Variants in DMRT1 observed in about 807,000 individuals in gnomAD.
DMRT1 encodes the protein doublesex- and mab-3-related transcription factor 1.
DMRT1 carries 7 observed loss-of-function variants against 32.3 expected under a neutral mutation model. That is an observed-to-expected ratio of 0.22 (90% confidence interval 0.12 to 0.41). The LOEUF (loss-of-function observed/expected upper bound fraction) is 0.41. Among genes scored for constraint, DMRT1 ranks in the 10% least tolerant of loss-of-function variants. The pLI, the probability that DMRT1 is intolerant of heterozygous loss-of-function variation, is 1.00. For missense variants in DMRT1, 625 were observed against 500.5 expected, an observed-to-expected ratio of 1.25 and a Z score of -2.37; for synonymous variants, 278 against 206.1, an observed-to-expected ratio of 1.35 and a Z score of -2.99.
rs550034172 is a variant in DMRT1, at chr9:859,102, C to G, written c.538+11959C>G. Among the ~76,000 whole-genome samples, 40 of 152,170 alleles carry G rather than the reference C, an allele frequency of 2.6e-4. No homozygotes were observed. The South Asian group carries it at 3.7e-3, about 14-fold the overall frequency. ...CAAGCCCAGCTTTCTTGAAAGTTCC[C>G]TGGCTTCTGAAATCACCTGTAGACT... On this transcript the variant is annotated intron_variant, in intron 2 of 4. Coordinates refer to ENST00000382276, the MANE Select transcript of DMRT1 (RefSeq NM_021951.3).
intron 2 of DMRT1, among the ~76,000 whole-genome samples, chr9:882,332 C>G (rs1483934916): frequency 6.6e-6 from 1 of 152,208 alleles, no homozygotes; most frequent in African/African-American, 2.4e-5. Context: ...TGTGCTCTAC[C>G]TGCTCTGCAG....
At position 894,294 on chromosome 9, in the gene DMRT1, C is replaced by T. The variant is rs1301388659; in HGVS notation, c.822+99C>T. The T allele has an allele frequency of 1.8e-5, 24 of 1,302,106 alleles. No individual in the cohort carries two copies. In the East Asian group the frequency reaches 2.1e-4, roughly 11 times the overall value. 80.7% of individuals were successfully genotyped at this position (1,302,106 alleles called of 1,614,324 possible). Reference sequence around the variant, plus strand: ...ACACAGAGGCACACACGCACTTGTGCGCCCAGAGGCACACACAGGTGACAC... The same window carrying T: ...ACACAGAGGCACACACGCACTTGTGTGCCCAGAGGCACACACAGGTGACAC... On this transcript the variant is annotated intron_variant, in intron 3 of 4. Transcript: ENST00000382276.
intron 4 of DMRT1, among the ~76,000 whole-genome samples, chr9:959,101 T>C (rs1284053710): frequency 2.0e-5 from 3 of 152,256 alleles, no homozygotes. Context: ...TTGATTACTT[T>C]TGTATCTGAG....
intron 3 of DMRT1, among the ~76,000 whole-genome samples, chr9:909,490 T>C (rs950032087): frequency 3.3e-5 from 5 of 151,900 alleles, no homozygotes; most frequent in Non-Finnish European, 5.9e-5. Flanking sequence ...ATTTAGATGG[T>C]TCGAAAAGAA....
chr9:886,436 T>C (rs1816932391), intron 2 of DMRT1, among the ~76,000 whole-genome samples: 1 of 152,074 alleles, frequency 6.6e-6, no homozygotes, highest in Non-Finnish European at 1.5e-5. Flanking sequence ...TTTTTCTGTT[T>C]TTTGAGATGG....
chr9:961,073 C>T (rs537756531), intron 4 of DMRT1, among the ~76,000 whole-genome samples: 1 of 152,294 alleles, frequency 6.6e-6, no homozygotes, highest in Admixed American at 6.5e-5. Context: ...CATGAGGAAG[C>T]AGAGACATGG....
chr9:859,092 T>G (rs1815538447), intron 2 of DMRT1, among the ~76,000 whole-genome samples: 1 of 152,112 alleles, frequency 6.6e-6, no homozygotes, highest in Middle Eastern at 3.2e-3. Flanking sequence ...CCAGCTTTCT[T>G]GAAAGTTCCC....
At chr9:940,420 G>C (rs559075255) in intron 4 of DMRT1, among the ~76,000 whole-genome samples, 1 of 152,118 alleles carries the variant, frequency 6.6e-6, no homozygotes, top group Non-Finnish European at 1.5e-5. Flanking sequence ...ATGGTCAAAT[G>C]ATTTTTGACC....
chr9:853,521 G>A (rs1351392051), intron 2 of DMRT1, among the ~76,000 whole-genome samples: 1 of 149,048 alleles, frequency 6.7e-6, no homozygotes, highest in Non-Finnish European at 1.5e-5. Context: ...CTCCCAGGCT[G>A]GGGTGTAGTG....
chr9:870,485 G>A (rs1816193313), intron 2 of DMRT1, among the ~76,000 whole-genome samples: 1 of 152,104 alleles, frequency 6.6e-6, no homozygotes, highest in African/African-American at 2.4e-5. Context: ...TCCGTCCCGT[G>A]ACAGCATCCG....
intron 4 of DMRT1, among the ~76,000 whole-genome samples, chr9:944,169 G>GCA (rs1300957098): frequency 4.2e-4 from 64 of 152,156 alleles, no homozygotes; most frequent in African/African-American, 1.5e-3. Context: ...TTTCTAAAGG[G>GCA]CTTAACACTG....
At chr9:901,813 G>A (rs902349793) in intron 3 of DMRT1, among the ~76,000 whole-genome samples, 2 of 151,854 alleles carry the variant, frequency 1.3e-5, no homozygotes, top group African/African-American at 4.8e-5. Flanking sequence ...CCCTTGGCCG[G>A]GAGCCCTTCA....
At chr9:922,899 G>T (rs1327801193) in intron 4 of DMRT1, among the ~76,000 whole-genome samples, 1 of 152,184 alleles carries the variant, frequency 6.6e-6, no homozygotes, top group Non-Finnish European at 1.5e-5. Flanking sequence ...CCAAAGGTCA[G>T]ATGGCCACCG....
intron 2 of DMRT1, among the ~76,000 whole-genome samples, chr9:893,372 C>T (rs564267791): frequency 1.3e-5 from 2 of 152,326 alleles, no homozygotes; most frequent in African/African-American, 4.8e-5. Context: ...TTGACAAAAC[C>T]TGAAATAGTT....
intron 4 of DMRT1, among the ~76,000 whole-genome samples, chr9:931,840 T>TAC (rs1454182484): frequency 6.6e-6 from 1 of 152,212 alleles, no homozygotes; most frequent in African/African-American, 2.4e-5. Flanking sequence ...GCACAGAGAC[T>TAC]ACATTCAGTC....
intron 2 of DMRT1, among the ~76,000 whole-genome samples, chr9:851,358 C>T (rs1467023754): frequency 6.6e-6 from 1 of 152,112 alleles, no homozygotes; most frequent in Non-Finnish European, 1.5e-5. Context: ...CTCACCTCAG[C>T]CTCTTGAGTA....
chr9:927,220 C>T (rs560029099), intron 4 of DMRT1, among the ~76,000 whole-genome samples: 43 of 152,346 alleles, frequency 2.8e-4, no homozygotes, highest in Non-Finnish European at 3.2e-4. Context: ...TTCTTTCGGC[C>T]GGCCGCTGTC....
intron 4 of DMRT1, among the ~76,000 whole-genome samples, chr9:939,643 A>G (rs192140892): frequency 6.6e-6 from 1 of 152,322 alleles, no homozygotes; most frequent in East Asian, 1.9e-4. Context: ...CTTAACTCCT[A>G]TTTTAGAGCA....
chr9:907,316 G>T (rs1817811017), intron 3 of DMRT1, among the ~76,000 whole-genome samples: 1 of 152,068 alleles, frequency 6.6e-6, no homozygotes, highest in African/African-American at 2.4e-5. Context: ...GGTATACATG[G>T]GTTCAGTTGG....
Sources: allele counts gnomAD v4.1 joint callset (sites outside exome capture counted in the v4.1 genomes callset), GRCh38; gene constraint gnomAD v4.1.1; transcripts MANE v1.5; gene names NCBI Gene and HGNC (gene_info 2026-07-23, HGNC 2026-07-21).